CXCR5: variants seen among roughly 807,000 people sequenced by gnomAD.
The protein encoded by CXCR5 is C-X-C motif chemokine receptor 5, also known as C-X-C chemokine receptor type 5.
A neutral mutation model predicts 5.6 loss-of-function variants in CXCR5; 3 were observed. The ratio of observed to expected loss-of-function variants is 0.54; its 90% CI spans 0.24 to 1.39. CXCR5 has a LOEUF of 1.39. Ranked by LOEUF, CXCR5 falls within the 40% of genes most tolerant of loss-of-function variation. CXCR5 has a pLI of 0.16. For missense variants in CXCR5, 333 were observed against 494.6 expected (o/e 0.67, Z 3.10); for synonymous variants, 218 against 219.9 (o/e 0.99, Z 0.08).
intron 1 of CXCR5, among the ~76,000 whole-genome samples, chr11:118,884,874 C>T (rs569932300): frequency 6.6e-6 from 1 of 152,056 alleles, no homozygotes; most frequent in Non-Finnish European, 1.5e-5. Flanking sequence ...CCTTGTGAGC[C>T]GACGGCAGAG....
rs551370085 is a variant in CXCR5 at position 118,896,290 on chromosome 11, T to C, written c.*1627T>C. ...TATTGTATTTATATATTTATATTTA[T>C]ATATATATTTATATAATGGTACAAA... On this transcript the variant is annotated 3_prime_UTR_variant, in exon 2 of 2. Coordinates refer to ENST00000292174, the MANE Select transcript of CXCR5 (RefSeq NM_001716.5). 6.2e-6 allele frequency: 1 copy of C among 161,136 alleles called. No homozygotes were observed. The highest frequency in any genetic ancestry group is 2.1e-4 in the South Asian group (1 of 4,812). The allele number at this position is 161,136 out of a possible 1,614,324, so 10.0% of individuals were successfully genotyped here. A position where few individuals can be genotyped will look rare whatever the true frequency, so the allele number is the denominator to read the frequency against.
chr11:118,891,814 T>C (rs112128598), intron 1 of CXCR5, among the ~76,000 whole-genome samples: 1 of 134,960 alleles, frequency 7.4e-6, no homozygotes, highest in Non-Finnish European at 1.5e-5. Context: ...GAGGTTGCAG[T>C]GAGCCGAGAT....
rs537787473 is a variant in CXCR5, at chr11:118,893,739, C to T, written c.195C>T (p.Gly65=). 1.1e-4 allele frequency: 184 copies of T among 1,614,218 alleles called. No individual in the cohort carries two copies. Among genetic ancestry groups the T allele is most frequent in the Non-Finnish European group, 1.4e-4 (171 of 1,180,030 alleles). Residue 65 remains glycine, a synonymous_variant, in exon 2 of 2, where the codon GGC becomes GGT. Transcript: ENST00000292174. The surrounding 1 kb of genome is among the most constrained non-coding windows in gnomAD (Gnocchi z 5.7). The stretch of plus-strand genomic sequence containing the variant: ...CCTACAGCCTCATCTTCCTCCTGGG[C>T]GTGATCGGCAACGTCCTGGTGCTGG... ...PVAYSLIFLL[G]VIGNVLVLVI...
At chr11:118,887,486 C>A in intron 1 of CXCR5, 2 of 950,302 alleles carry the variant, frequency 2.1e-6, no homozygotes, top group Non-Finnish European at 2.5e-6. Context: ...AAACTCTCCC[C>A]CTAACACCAC....
chr11:118,885,637 C>G (rs1281283829), intron 1 of CXCR5, among the ~76,000 whole-genome samples: 1 of 152,220 alleles, frequency 6.6e-6, no homozygotes, highest in Non-Finnish European at 1.5e-5. Flanking sequence ...TCTTAGTAAC[C>G]AACTGGAGAC....
At position 118,883,937 on chromosome 11, in the gene CXCR5, C is replaced by G. The variant is rs199805189; in HGVS notation, c.-5C>G. ...CCAGTCTGGTGACTCACAGCCGGCA[C>G]AGCCATGAACTACCCGCTAACGCTG... On this transcript the variant is annotated 5_prime_UTR_variant, in exon 1 of 2. Coordinates refer to ENST00000292174, the MANE Select transcript of CXCR5 (RefSeq NM_001716.5). 1.3e-5 allele frequency: 21 copies of G among 1,611,142 alleles called. No individual in the cohort carries two copies. The East Asian group carries it at 4.7e-4, about 36-fold the overall frequency.
chr11:118,897,759 T>C lies in CXCR5; in HGVS notation c.*3096T>C, dbSNP rs765842715. ...AGGGGGGAAGGGTTTCTTTTATCCT[T>C]TTTTTTTTGTGTGACTTCTATCAAA... On this transcript the variant is annotated 3_prime_UTR_variant, in exon 2 of 2. Coordinates refer to ENST00000292174, the MANE Select transcript of CXCR5 (RefSeq NM_001716.5). 1.1e-5 allele frequency: 5 copies of C among 447,978 alleles called. No individual in the cohort carries two copies. Among genetic ancestry groups the C allele is most frequent in the South Asian group, 7.9e-5 (5 of 63,234 alleles). The allele number at this position is 447,978 out of a possible 1,614,324, so 27.8% of individuals were successfully genotyped here. A position where few individuals can be genotyped will look rare whatever the true frequency, so the allele number is the denominator to read the frequency against.
rs561177101 is a variant in CXCR5 at position 118,891,979 on chromosome 11, A to T, written c.52-1617A>T. ...GGGGAACCAGTAAAGGACTTTAAACAGAACATTGATGCGATGGGATTTGTG... is the reference window on the plus strand; with the variant it reads ...GGGGAACCAGTAAAGGACTTTAAACTGAACATTGATGCGATGGGATTTGTG... On this transcript the variant is annotated intron_variant, in intron 1 of 1. Transcript: ENST00000292174. Among the ~76,000 whole-genome samples, 13 of 152,272 alleles carry T rather than the reference A, an allele frequency of 8.5e-5. No homozygotes were observed. The East Asian group carries it at 2.3e-3, about 27-fold the overall frequency.
rs1035161625 is a variant in CXCR5 at position 118,893,195 on chromosome 11, C to G, written c.52-401C>G. ...CACAATGCTAAGTTGCAGTGCCCGACTGTTCTGCTCAGAACTGGAACAGAT... is the reference window on the plus strand; with the variant it reads ...CACAATGCTAAGTTGCAGTGCCCGAGTGTTCTGCTCAGAACTGGAACAGAT... On this transcript the variant is annotated intron_variant, in intron 1 of 1. Transcript: ENST00000292174. This position sits in a 1 kb window ranked among gnomAD's most constrained non-coding sequence, Gnocchi z 5.7. Among the ~76,000 whole-genome samples, 3 of 152,110 alleles carry G rather than the reference C, an allele frequency of 2.0e-5. No homozygotes were observed. Among genetic ancestry groups the G allele is most frequent in the Non-Finnish European group, 4.4e-5 (3 of 68,036 alleles).
At chr11:118,892,121 C>G (rs1488069894) in intron 1 of CXCR5, among the ~76,000 whole-genome samples, 2 of 152,006 alleles carry the variant, frequency 1.3e-5, no homozygotes, top group Non-Finnish European at 2.9e-5. Flanking sequence ...GAAGGAAGAC[C>G]AGACTGAGGC....
At chr11:118,887,857 A>G (rs955251985) in intron 1 of CXCR5, 1 of 152,302 alleles carries the variant, frequency 6.6e-6, no homozygotes, top group Non-Finnish European at 1.5e-5. Context: ...CCCCCTGGCC[A>G]GAGCAATGAC....
chr11:118,891,311 G>A (rs1311954943), intron 1 of CXCR5, among the ~76,000 whole-genome samples: 3 of 152,052 alleles, frequency 2.0e-5, no homozygotes, highest in Non-Finnish European at 4.4e-5. Context: ...TTAGCGATGT[G>A]TGAATGGCAC....
At chr11:118,885,341 A>G (rs1027804150) in intron 1 of CXCR5, among the ~76,000 whole-genome samples, 1 of 152,224 alleles carries the variant, frequency 6.6e-6, no homozygotes, top group African/African-American at 2.4e-5. Context: ...TTGAAAAATT[A>G]TTATAAATAA....
At chr11:118,886,144 GTATT>G (rs1939706644) in intron 1 of CXCR5, 1 of 347,530 alleles carries the variant, frequency 2.9e-6, no homozygotes, top group Non-Finnish European at 5.6e-6. Flanking sequence ...TTCTCAATAA[GTATT>G]TATTGATTTG....
At chr11:118,887,279 G>A in intron 1 of CXCR5, 2 of 985,406 alleles carry the variant, frequency 2.0e-6, no homozygotes, top group Non-Finnish European at 2.4e-6. Flanking sequence ...ACAAGAATGA[G>A]CATTCTTTCA....
In CXCR5 at chr11:118,886,443, A is replaced by G. The variant is rs191047952; in HGVS notation, c.51+2451A>G. ...CCTCTTGAACTCGAAGACCAACTCG[A>G]GCCGCTTAAAATGTCCACTTCTTTA... On this transcript the variant is annotated intron_variant, in intron 1 of 1. Transcript: ENST00000292174. 595 of 417,360 alleles carry G rather than the reference A, an allele frequency of 1.4e-3. 4 individuals carry two copies. Among genetic ancestry groups the G allele is most frequent in the African/African-American group, 0.012 (540 of 45,986 alleles). 25.9% of individuals were successfully genotyped at this position (417,360 alleles called of 1,614,324 possible).
At position 118,893,480 on chromosome 11, in the gene CXCR5, TGAC is replaced by T. The variant is rs1939843443; in HGVS notation, c.52-115_52-113del. 1.4e-6 allele frequency: 2 copies of T among 1,460,524 alleles called. No individual in the cohort carries two copies. The highest frequency in any genetic ancestry group is 3.2e-5 in the South Asian group (2 of 62,724). The allele number at this position is 1,460,524 out of a possible 1,614,324, so 90.5% of individuals were successfully genotyped here. ...TTGTTCAAAATTGAAATTTGAAACT[TGAC>T]ATTTGGTCAGTGGGCCCTATGTAGG... On this transcript the variant is annotated intron_variant, in intron 1 of 1. Transcript: ENST00000292174. This position sits in a 1 kb window ranked among gnomAD's most constrained non-coding sequence, Gnocchi z 5.7.
chr11:118,896,877 AAGG>A lies in CXCR5; in HGVS notation c.*2217_*2219del, dbSNP rs1939941751. 1 of 152,744 alleles carries A rather than the reference AAGG, an allele frequency of 6.5e-6. No individual in the cohort carries two copies. Among genetic ancestry groups the A allele is most frequent in the Admixed American group, 6.5e-5 (1 of 15,292 alleles). 9.5% of individuals were successfully genotyped at this position (152,744 alleles called of 1,614,324 possible). A position where few individuals can be genotyped will look rare whatever the true frequency, so the allele number is the denominator to read the frequency against. On this transcript the variant is annotated 3_prime_UTR_variant, in exon 2 of 2. Coordinates refer to ENST00000292174, the MANE Select transcript of CXCR5 (RefSeq NM_001716.5). ...CCCGAGGCAGGAAAGGAAGTGAGAA[AAGG>A]AGAAGTTTTTTTACTCCTGGGGCCA...
chr11:118,887,323 G>T (rs1283850463), intron 1 of CXCR5: 1 of 985,324 alleles, frequency 1.0e-6, no homozygotes, highest in Admixed American at 6.1e-5. Flanking sequence ...CAACCCAGGA[G>T]ATGGTTTCAA....
Sources: allele counts gnomAD v4.1 joint callset (sites outside exome capture counted in the v4.1 genomes callset), GRCh38; gene constraint gnomAD v4.1.1; non-coding constraint Gnocchi (gnomAD v3.1); transcripts MANE v1.5; gene names NCBI Gene and HGNC (gene_info 2026-07-23, HGNC 2026-07-21).